Variants in UBR1 observed in about 807,000 individuals in gnomAD.
UBR1 encodes the protein ubiquitin protein ligase E3 component n-recognin 1.
In UBR1, 102 loss-of-function variants were observed where a neutral mutation model predicts 242.1. The ratio of observed to expected loss-of-function variants is 0.42; its 90% CI spans 0.36 to 0.50. UBR1 has a LOEUF of 0.50. UBR1 is among the 20% of genes least tolerant of loss of function. The pLI is 0.01. For synonymous variants in UBR1, 675 were observed against 684.8 expected (o/e 0.99, Z 0.22); for missense variants, 1,772 against 2,101.8 (o/e 0.84, Z 3.07).
At position 43,038,213 on chromosome 15, in the gene UBR1, G is replaced by A. The variant is rs751920831; in HGVS notation, c.1869C>T (p.Ser623=). 64 of 1,613,952 alleles carry A rather than the reference G, an allele frequency of 4.0e-5. No homozygotes were observed. Among genetic ancestry groups the A allele is most frequent in the Non-Finnish European group, 6.8e-6 (8 of 1,179,992 alleles). The change falls in exon 16 of 47, where the codon AGC becomes AGT. Residue 623 remains serine (S), a synonymous_variant. Transcript: ENST00000290650. ...GCAGTCTTGAAACAGCACCCAGCCT[G>A]CTTAAACGTACATGAAGACCTAAAG... ...RTLAGLHVRL[S]RLGAVSRLHE...
At chr15:43,074,171 G>A (rs929308334) in intron 4 of UBR1, among the ~76,000 whole-genome samples, 2 of 152,168 alleles carry the variant, frequency 1.3e-5, no homozygotes, top group Admixed American at 6.5e-5. Context: ...CATTAAAAGA[G>A]TATTTTATAA....
Position 42,983,893 on chromosome 15 carries a change from C to A in UBR1, c.4150+4G>T. 6.2e-7 allele frequency: 1 copy of A among 1,600,498 alleles called. No homozygotes were observed. ...ACATAATAATAGTTCAGAGAAGACT[C>A]TACCTGATAGAAGACGAACCAGATG... On this transcript the variant is annotated splice_donor_region_variant and intron_variant, in intron 37 of 46. Transcript: ENST00000290650.
chr15:43,018,011 T>G lies in UBR1; in HGVS notation c.2941-830A>C, dbSNP rs577154031. ...GACATTTCTTTTTTGGTTTGTTGTTTTTTTTTTTTTTAACAGGGTCTTGCT... is the reference window on the plus strand; with the variant it reads ...GACATTTCTTTTTTGGTTTGTTGTTGTTTTTTTTTTTAACAGGGTCTTGCT... On this transcript the variant is annotated intron_variant, in intron 27 of 46. Transcript: ENST00000290650. 7.7e-4 allele frequency among the ~76,000 whole-genome samples: 117 copies of G among 151,556 alleles called. 3 individuals are homozygous for G. In the South Asian group the frequency reaches 0.015, roughly 20 times the overall value.
chr15:42,977,608 AT>A (rs1185339027), intron 38 of UBR1, among the ~76,000 whole-genome samples: 1 of 152,176 alleles, frequency 6.6e-6, no homozygotes, highest in East Asian at 1.9e-4. Context: ...CATAATATGA[AT>A]TAGAAAAGGC....
At chr15:43,077,463 G>A (rs911260714) in intron 3 of UBR1, among the ~76,000 whole-genome samples, 4 of 151,496 alleles carry the variant, frequency 2.6e-5, no homozygotes, top group Non-Finnish European at 4.4e-5. Context: ...TGCTCGTTAA[G>A]AGTCATCACC....
chr15:42,998,854 T>A (rs772247626), intron 32 of UBR1, among the ~76,000 whole-genome samples: 1 of 152,080 alleles, frequency 6.6e-6, no homozygotes, highest in South Asian at 2.1e-4. Flanking sequence ...CCTTTTATGA[T>A]CTGGTCTTTG....
intron 30 of UBR1, among the ~76,000 whole-genome samples, chr15:43,004,747 C>G (rs556334928): frequency 1.3e-5 from 2 of 152,322 alleles, no homozygotes; most frequent in South Asian, 4.1e-4. Context: ...TCCTCCCAGC[C>G]GCCTGCCTTG....
At chr15:43,083,184 C>T (rs532884000) in intron 2 of UBR1, among the ~76,000 whole-genome samples, 1 of 152,248 alleles carries the variant, frequency 6.6e-6, no homozygotes, top group South Asian at 2.1e-4. Context: ...ATTCATTGTA[C>T]ATTGAAGTGT....
intron 5 of UBR1, among the ~76,000 whole-genome samples, chr15:43,068,569 A>G (rs1039006066): frequency 6.6e-6 from 1 of 151,178 alleles, no homozygotes; most frequent in Non-Finnish European, 1.5e-5. Context: ...TTTTCCCCCA[A>G]TTTTTCATAT....
intron 14 of UBR1, among the ~76,000 whole-genome samples, chr15:43,045,364 G>A (rs2033471516): frequency 6.6e-6 from 1 of 152,170 alleles, no homozygotes; most frequent in South Asian, 2.1e-4. Flanking sequence ...CGACTTTGGA[G>A]GCTAAGGTGG....
At chr15:43,071,969 C>G (rs1271716781) in intron 4 of UBR1, among the ~76,000 whole-genome samples, 2 of 152,282 alleles carry the variant, frequency 1.3e-5, no homozygotes, top group East Asian at 3.9e-4. Context: ...GATAATGTTA[C>G]AAAAATTACT....
At chr15:43,102,906 C>T (rs1446232589) in intron 1 of UBR1, among the ~76,000 whole-genome samples, 4 of 152,184 alleles carry the variant, frequency 2.6e-5, no homozygotes, top group African/African-American at 4.8e-5. Flanking sequence ...TAGTGGCTCA[C>T]GCCTGTAATC....
At chr15:43,056,594 A>G (rs1567138676) in intron 10 of UBR1, 152 bp from the exon 11 acceptor site, 1 of 588,550 alleles carries the variant, frequency 1.7e-6, no homozygotes, top group East Asian at 2.9e-5. Flanking sequence ...TGATCAGCAA[A>G]AATATCTTAG....
Position 42,984,922 on chromosome 15 carries a change from C to T in UBR1, c.4018G>A (p.Gly1340Arg), listed in dbSNP as rs1001855717. ...TGAAGTGCTCCAAACAGAGGTTTTC[C>T]TTCATCTCCCAATAGATTTTCTCAA... ...QAIENLLGDE[G>R]KPLFGALQNR... Residue 1340 changes from glycine (G) to arginine (R), a missense_variant, in exon 36 of 47, where the codon GGA becomes AGA. Coordinates refer to ENST00000290650, the MANE Select transcript of UBR1 (RefSeq NM_174916.3). 2.5e-6 allele frequency: 4 copies of T among 1,610,644 alleles called. No individual in the cohort carries two copies. Among genetic ancestry groups the T allele is most frequent in the Non-Finnish European group, 3.4e-6 (4 of 1,177,904 alleles).
chr15:43,005,954 A>AGGCC (rs1454046501), intron 30 of UBR1, among the ~76,000 whole-genome samples: 1 of 150,146 alleles, frequency 6.7e-6, no homozygotes, highest in Non-Finnish European at 1.5e-5. Context: ...ACACTGCGGA[A>AGGCC]GGCCGCAGGG....
chr15:43,054,005 A>T (rs2033586822), intron 12 of UBR1, among the ~76,000 whole-genome samples: 1 of 152,140 alleles, frequency 6.6e-6, no homozygotes. Context: ...GAACCCACAG[A>T]TGTGGAACCC....
chr15:42,999,154 T>C (rs924759725), intron 32 of UBR1, among the ~76,000 whole-genome samples: 1 of 152,160 alleles, frequency 6.6e-6, no homozygotes, highest in Admixed American at 6.5e-5. Context: ...TTGGCCAGGC[T>C]GGTCTCGATC....
At chr15:43,007,923 AACTT>A (rs1188677455) in intron 29 of UBR1, among the ~76,000 whole-genome samples, 1 of 152,232 alleles carries the variant, frequency 6.6e-6, no homozygotes, top group African/African-American at 2.4e-5. Context: ...CAAACTAAAA[AACTT>A]ACACCTTAAT....
At position 43,086,183 on chromosome 15, in the gene UBR1, C is replaced by A; in HGVS notation, c.139G>T (p.Val47Leu). ...TAFLHHLAQL[V>L]PEIYFAEMDP... Reference sequence around the variant, plus strand: ...ATTTCAGCAAAGTAAATTTCTGGCACCAATTGTGCCAAATGATGCAAGAAA... The same window carrying A: ...ATTTCAGCAAAGTAAATTTCTGGCAACAATTGTGCCAAATGATGCAAGAAA... The change falls in exon 2 of 47, where the codon GTG becomes TTG. Residue 47 changes from valine to leucine, a missense_variant. Physicochemically the swap from Val to Leu is conservative, Grantham distance 32 (BLOSUM62 1). Transcript: ENST00000290650. 1 of 1,613,958 alleles carries A rather than the reference C, an allele frequency of 6.2e-7. No individual in the cohort carries two copies. The highest frequency in any genetic ancestry group is 1.1e-5 in the South Asian group (1 of 91,080).
Sources: allele counts gnomAD v4.1 joint callset (sites outside exome capture counted in the v4.1 genomes callset), GRCh38; gene constraint gnomAD v4.1.1; transcripts MANE v1.5; gene names NCBI Gene and HGNC (gene_info 2026-07-23, HGNC 2026-07-21).